TMEM170A: variants seen among roughly 807,000 people sequenced by gnomAD.
TMEM170A encodes the protein transmembrane protein 170A, also known as transmembrane protein 170.
Under a neutral mutation model 12.8 loss-of-function variants are expected in TMEM170A, and 18 were observed. The observed-to-expected ratio is 1.41, with a 90% CI of 0.97 to 2.09. The LOEUF is 2.09. TMEM170A is among the 30% of genes most tolerant of loss of function. The pLI, the probability that TMEM170A is intolerant of heterozygous loss-of-function variation, is 0.00. For missense variants in TMEM170A, 220 were observed against 179.9 expected (o/e 1.22, Z -1.28); for synonymous variants, 107 against 76.2 (o/e 1.40, Z -2.11).
chr16:75,449,866 G>T (rs993880274), intron 2 of TMEM170A, among the ~76,000 whole-genome samples: 3 of 152,162 alleles, frequency 2.0e-5, no homozygotes, highest in Non-Finnish European at 4.4e-5. Flanking sequence ...CCTAAAGTGG[G>T]ATTGGGATAA....
rs2079601187 is a variant in TMEM170A, at chr16:75,447,138, G to C, written c.*420C>G. On this transcript the variant is annotated 3_prime_UTR_variant, in exon 3 of 3. Coordinates refer to ENST00000561878, the MANE Select transcript of TMEM170A (RefSeq NM_145254.3). ...AAAGAGTTTGCCAAATTTTAATCAA[G>C]ATTAGATAAGATTTTAATACAACAT... The C allele has an allele frequency of 6.6e-6, 1 of 152,576 alleles. No individual in the cohort carries two copies. Among genetic ancestry groups the C allele is most frequent in the African/African-American group, 2.4e-5 (1 of 41,424 alleles). The allele number at this position is 152,576 out of a possible 1,614,324, so 9.5% of individuals were successfully genotyped here.
chr16:75,451,555 G>C, intron 2 of TMEM170A, 114 bp downstream of exon 2: 2 of 1,121,242 alleles, frequency 1.8e-6, no homozygotes, highest in Admixed American at 3.9e-5. Flanking sequence ...GTCTGGACTT[G>C]CAGTTAAAAG....
rs75481956 is a variant in TMEM170A at position 75,464,548 on chromosome 16, T to A, written c.53A>T (p.Gln18Leu). 6.3e-6 allele frequency: 10 copies of A among 1,588,966 alleles called. No homozygotes were observed. Residue 18 changes from glutamine (Q) to leucine (L), a missense_variant, in exon 1 of 3, where the codon CAG becomes CTG. Gln to Leu is a moderately radical substitution (Grantham distance 113). Coordinates refer to ENST00000561878, the MANE Select transcript of TMEM170A (RefSeq NM_145254.3). The stretch of plus-strand genomic sequence containing the variant: ...CGGCACAACCTTCAGGCTCAGGATC[T>A]GCTGCAGGAGCCCGGCCGACCCGCC... ...GSGGSAGLLQ[Q>L]ILSLKVVPRV...
Position 75,447,686 on chromosome 16 carries a change from C to G in TMEM170A, c.307G>C (p.Ala103Pro), listed in dbSNP as rs1187564174. 1.9e-6 allele frequency: 3 copies of G among 1,585,096 alleles called. No homozygotes were observed. In the African/African-American group the frequency reaches 4.1e-5, roughly 22 times the overall value. The change falls in exon 3 of 3, where the codon GCA (alanine) becomes CCA (proline). Residue 103 changes from alanine (A) to proline (P), a missense_variant and splice_region_variant. Transcript: ENST00000561878. ...GPITAGILTS[A>P]AIAGVYRAAG... ...GCTCGGTAAACTCCAGCAATAGCTG[C>G]ACCTGATTTAAAATGCAAGAATGTT...
Position 75,447,515 on chromosome 16 carries a change from T to C in TMEM170A, c.*43A>G. On this transcript the variant is annotated 3_prime_UTR_variant, in exon 3 of 3. Coordinates refer to ENST00000561878, the MANE Select transcript of TMEM170A (RefSeq NM_145254.3). ...CTCCATAATGTATTCTTTTGGAGGA[T>C]TCCATAAAGTTTAAGTTCAACATCT... 1 of 1,570,440 alleles carries C rather than the reference T, an allele frequency of 6.4e-7. No individual in the cohort carries two copies. The highest frequency in any genetic ancestry group is 8.6e-7 in the Non-Finnish European group (1 of 1,162,368).
At chr16:75,449,601 A>C (rs1334260855) in intron 2 of TMEM170A, among the ~76,000 whole-genome samples, 1 of 152,184 alleles carries the variant, frequency 6.6e-6, no homozygotes, top group African/African-American at 2.4e-5. Context: ...TTACAGGCAT[A>C]AGCCACCATG....
intron 1 of TMEM170A, among the ~76,000 whole-genome samples, chr16:75,463,932 G>A (rs1032422623): frequency 6.6e-6 from 1 of 152,246 alleles, no homozygotes; most frequent in South Asian, 2.1e-4. Flanking sequence ...CCTAGAAAGC[G>A]GAGCGGGTCT....
chr16:75,451,485 G>A (rs2079680087), intron 2 of TMEM170A, 184 bp downstream of exon 2: 2 of 638,862 alleles, frequency 3.1e-6, no homozygotes, highest in Non-Finnish European at 2.8e-6. Context: ...AGAGGTGGAG[G>A]CTGCAGTGAG....
chr16:75,452,224 G>A (rs1426430076), intron 1 of TMEM170A, among the ~76,000 whole-genome samples: 3 of 151,914 alleles, frequency 2.0e-5, no homozygotes, highest in Non-Finnish European at 4.4e-5. Context: ...GCCCGCCTCG[G>A]CCTCCCAAGT....
intron 1 of TMEM170A, among the ~76,000 whole-genome samples, chr16:75,454,004 G>T (rs1042041773): frequency 1.3e-5 from 2 of 152,208 alleles, no homozygotes; most frequent in African/African-American, 4.8e-5. Flanking sequence ...GGGACTGGCG[G>T]TGACACATTA....
chr16:75,447,635 C>G lies in TMEM170A; in HGVS notation c.358G>C (p.Glu120Gln). ...RAAGKEMIPF[E>Q]ALTLGTGQTF... The stretch of plus-strand genomic sequence containing the variant: ...TGTCCAGTGCCCAGTGTGAGGGCTT[C>G]AAATGGTATCATTTCCTTCCCTGCT... The change falls in exon 3 of 3, where the codon GAA becomes CAA. Residue 120 changes from glutamate (E) to glutamine (Q), a missense_variant. Coordinates refer to ENST00000561878, the MANE Select transcript of TMEM170A (RefSeq NM_145254.3). The G allele has an allele frequency of 6.2e-7, 1 of 1,612,062 alleles. No individual in the cohort carries two copies. Among genetic ancestry groups the G allele is most frequent in the Non-Finnish European group, 8.5e-7 (1 of 1,179,214 alleles).
intron 1 of TMEM170A, among the ~76,000 whole-genome samples, chr16:75,460,362 T>A (rs924789185): frequency 3.3e-5 from 5 of 152,020 alleles, no homozygotes; most frequent in African/African-American, 4.8e-5. Context: ...TGTTCAAAAT[T>A]CCCCAGTAGA....
intron 1 of TMEM170A, among the ~76,000 whole-genome samples, chr16:75,452,201 G>C (rs2151633510): frequency 6.6e-6 from 1 of 152,018 alleles, no homozygotes; most frequent in South Asian, 2.1e-4. Flanking sequence ...TCGATCTCCT[G>C]ACCTCATGAT....
At chr16:75,459,155 A>T (rs527528821) in intron 1 of TMEM170A, among the ~76,000 whole-genome samples, 1 of 152,302 alleles carries the variant, frequency 6.6e-6, no homozygotes, top group Non-Finnish European at 1.5e-5. Context: ...TGGCCTCCCA[A>T]AGTGCTGGGA....
chr16:75,444,749 C>T lies in TMEM170A; in HGVS notation c.*2809G>A, dbSNP rs2151621032. On this transcript the variant is annotated 3_prime_UTR_variant, in exon 3 of 3. Coordinates refer to ENST00000561878, the MANE Select transcript of TMEM170A (RefSeq NM_145254.3). The stretch of plus-strand genomic sequence containing the variant: ...ATTTATTCACTGGAGAATACTTCAC[C>T]TACTGGGATGGATGAAACACTCAGT... 6.6e-6 allele frequency: 1 copy of T among 152,118 alleles called. No individual in the cohort carries two copies. The highest frequency in any genetic ancestry group is 6.6e-5 in the Admixed American group (1 of 15,262). 9.4% of individuals were successfully genotyped at this position (152,118 alleles called of 1,614,324 possible). A position where few individuals can be genotyped will look rare whatever the true frequency, so the allele number is the denominator to read the frequency against.
intron 1 of TMEM170A, 131 bp downstream of exon 1, chr16:75,464,337 C>A (rs1312853632): frequency 2.2e-6 from 3 of 1,383,056 alleles, no homozygotes; most frequent in Non-Finnish European, 1.9e-6. Context: ...CAGCACGGCC[C>A]CCCTCCCGGA....
chr16:75,449,086 T>C (rs189452750), intron 2 of TMEM170A, among the ~76,000 whole-genome samples: 1 of 151,776 alleles, frequency 6.6e-6, no homozygotes, highest in Admixed American at 6.6e-5. Flanking sequence ...AAATAAATAA[T>C]AAAAATTTTA....
At chr16:75,461,956 A>G (rs2079916525) in intron 1 of TMEM170A, among the ~76,000 whole-genome samples, 1 of 152,174 alleles carries the variant, frequency 6.6e-6, no homozygotes, top group African/African-American at 2.4e-5. Flanking sequence ...ACTTATCTCA[A>G]TCTTTTCTTA....
At chr16:75,463,264 A>T (rs8056141) in intron 1 of TMEM170A, among the ~76,000 whole-genome samples, 95,189 of 151,084 alleles carry the variant, frequency 0.63, 30,189 homozygotes, top group Admixed American at 0.72. Context: ...CATTTCATGT[A>T]TCACACAGGG....
Sources: gnomAD v4.1 joint callset for allele counts (sites outside exome capture counted in the v4.1 genomes callset) on GRCh38, gnomAD v4.1.1 for gene constraint, MANE v1.5 for transcripts, NCBI Gene and HGNC (gene_info 2026-07-23, HGNC 2026-07-21) for gene names.